The following CARMIL1 variants were observed in gnomAD, a reference collection of about 807,000 sequenced individuals.
CARMIL1 encodes the protein F-actin-uncapping protein LRRC16A.
Under a neutral mutation model 177.1 loss-of-function variants are expected in CARMIL1, and 90 were observed. The ratio of observed to expected loss-of-function variants is 0.51; its 90% CI spans 0.43 to 0.61. The LOEUF is 0.61. Among genes scored for constraint, CARMIL1 ranks in the 20% least tolerant of loss-of-function variants. The pLI is 0.00. For missense variants in CARMIL1, 1,380 were observed against 1,667.0 expected (o/e 0.83, Z 3.00); for synonymous variants, 577 against 606.2 (o/e 0.95, Z 0.71).
At chr6:25,468,117 A>C (rs1800780371) in intron 9 of CARMIL1, among the ~76,000 whole-genome samples, 1 of 152,164 alleles carries the variant, frequency 6.6e-6, no homozygotes, top group Non-Finnish European at 1.5e-5. Flanking sequence ...TCCTGTGCTA[A>C]GGTGCCACAG....
intron 34 of CARMIL1, among the ~76,000 whole-genome samples, chr6:25,605,399 A>G (rs1407766442): frequency 6.6e-6 from 1 of 152,208 alleles, no homozygotes; most frequent in African/African-American, 2.4e-5. Context: ...CTAGAGAGTA[A>G]TGCGTTAACT....
At chr6:25,280,268 G>A (rs893298457) in intron 1 of CARMIL1, among the ~76,000 whole-genome samples, 8 of 152,200 alleles carry the variant, frequency 5.3e-5, no homozygotes, top group African/African-American at 1.7e-4. Flanking sequence ...GGTGGCGAGC[G>A]CACAGTAGGT....
intron 2 of CARMIL1, among the ~76,000 whole-genome samples, chr6:25,406,127 A>T (rs1794345424): frequency 6.6e-6 from 1 of 152,212 alleles, no homozygotes; most frequent in Non-Finnish European, 1.5e-5. Flanking sequence ...ATGTAATCCC[A>T]CTGTTAATTA....
At chr6:25,505,039 G>C (rs1804776979) in intron 17 of CARMIL1, among the ~76,000 whole-genome samples, 1 of 152,134 alleles carries the variant, frequency 6.6e-6, no homozygotes, top group Non-Finnish European at 1.5e-5. Flanking sequence ...TGACATCATA[G>C]GTCAGTATTG....
intron 5 of CARMIL1, among the ~76,000 whole-genome samples, chr6:25,439,121 C>T (rs998234117): frequency 6.7e-6 from 1 of 149,154 alleles, no homozygotes; most frequent in African/African-American, 2.5e-5. Flanking sequence ...GTTTTAATAA[C>T]TTGGTGACCA....
chr6:25,582,608 C>T (rs138942327), intron 31 of CARMIL1, among the ~76,000 whole-genome samples: 5 of 152,284 alleles, frequency 3.3e-5, no homozygotes, highest in African/African-American at 9.6e-5. Context: ...ATCACCAGCT[C>T]TCCCTCTTCC....
At chr6:25,311,950 A>C (rs191526027) in intron 2 of CARMIL1, among the ~76,000 whole-genome samples, 41 of 152,314 alleles carry the variant, frequency 2.7e-4, no homozygotes, top group African/African-American at 8.9e-4. Flanking sequence ...TTTTTCTCTT[A>C]GTCAATAAAA....
rs571408597 is a variant in CARMIL1 at position 25,289,202 on chromosome 6, C to T, written c.138+4293C>T. On this transcript the variant is annotated intron_variant, in intron 2 of 36. Transcript: ENST00000329474. ...TTGTGAGTAGTTCCACTCTGGGCTA[C>T]GTTGGCTTGACATGTCATATGTTGT... 1.1e-3 allele frequency among the ~76,000 whole-genome samples: 162 copies of T among 152,200 alleles called. 1 individual carries two copies. In the Middle Eastern group the frequency reaches 0.014, roughly 13 times the overall value.
chr6:25,534,168 G>A (rs1302751912), intron 24 of CARMIL1, among the ~76,000 whole-genome samples: 2 of 144,566 alleles, frequency 1.4e-5, no homozygotes, highest in African/African-American at 5.2e-5. Flanking sequence ...TTCATTTTAT[G>A]TGTCTCCTCC....
intron 2 of CARMIL1, among the ~76,000 whole-genome samples, chr6:25,304,797 A>C (rs145513533): frequency 2.8e-4 from 42 of 152,356 alleles, no homozygotes; most frequent in African/African-American, 9.9e-4. Flanking sequence ...ATGATGTATT[A>C]GCTAGAGCTT....
chr6:25,307,662 CAG>C (rs1554158948), intron 2 of CARMIL1, among the ~76,000 whole-genome samples: 1 of 152,274 alleles, frequency 6.6e-6, no homozygotes, highest in South Asian at 2.1e-4. Context: ...AGGAAGTAAA[CAG>C]AGATGTATTT....
At chr6:25,410,359 C>G (rs74767208) in intron 2 of CARMIL1, among the ~76,000 whole-genome samples, 15,248 of 152,104 alleles carry the variant, frequency 0.1, 1,042 homozygotes, top group South Asian at 0.2. Flanking sequence ...ATTTCTTGTT[C>G]CAACTCTTCC....
chr6:25,290,256 C>T (rs929760292), intron 2 of CARMIL1, among the ~76,000 whole-genome samples: 11 of 151,928 alleles, frequency 7.2e-5, no homozygotes, highest in African/African-American at 1.5e-4. Flanking sequence ...CCACCACACC[C>T]GGCTAATTTT....
rs1810836770 is a variant in CARMIL1 at position 25,558,558 on chromosome 6, T to C, written c.2742+1708T>C. On this transcript the variant is annotated intron_variant, in intron 29 of 36. Transcript: ENST00000329474. This position sits in a 1 kb window ranked among gnomAD's most constrained non-coding sequence, Gnocchi z 4.1. ...AAAAAATGCAGTTGGAAGACCACCC[T>C]CAGAACTTAAGGGACAGGCCTGCAG... is the stretch of plus-strand genomic sequence containing the variant. 6.6e-6 allele frequency among the ~76,000 whole-genome samples: 1 copy of C among 152,212 alleles called. No homozygotes were observed. The highest frequency in any genetic ancestry group is 2.4e-5 in the African/African-American group (1 of 41,452).
chr6:25,547,578 C>G (rs1809634709), intron 26 of CARMIL1, among the ~76,000 whole-genome samples: 2 of 152,104 alleles, frequency 1.3e-5, no homozygotes, highest in Non-Finnish European at 2.9e-5. Context: ...GCCTGTAATA[C>G]TTTTTAATAT....
rs115438480 is a variant in CARMIL1 at position 25,313,191 on chromosome 6, T to A, written c.138+28282T>A. On this transcript the variant is annotated intron_variant, in intron 2 of 36. Coordinates refer to ENST00000329474, the MANE Select transcript of CARMIL1 (RefSeq NM_017640.6). Reference sequence around the variant, plus strand: ...TAGTAAACACAGTTATCTTCACGAGTGTGGGAATGATTAAGAAAAAAAAAC... The same window carrying A: ...TAGTAAACACAGTTATCTTCACGAGAGTGGGAATGATTAAGAAAAAAAAAC... Among the ~76,000 whole-genome samples the A allele has an allele frequency of 4.6e-3, 671 of 147,186 alleles. 6 individuals are homozygous for A. The highest frequency in any genetic ancestry group is 0.016 in the African/African-American group (617 of 38,344).
intron 2 of CARMIL1, among the ~76,000 whole-genome samples, chr6:25,392,164 T>C (rs186864480): frequency 2.2e-4 from 33 of 151,792 alleles, no homozygotes; most frequent in Admixed American, 2.0e-3. Context: ...CTGGTATATA[T>C]GATACACAAA....
chr6:25,365,215 C>T (rs533538714), intron 2 of CARMIL1, among the ~76,000 whole-genome samples: 3 of 152,280 alleles, frequency 2.0e-5, no homozygotes, highest in Non-Finnish European at 4.4e-5. Context: ...AGTTGCTTCA[C>T]CACCTTGATG....
chr6:25,520,314 A>G lies in CARMIL1; in HGVS notation c.1945A>G (p.Lys649Glu), dbSNP rs1443268494. Residue 649 changes from lysine to glutamate, a missense_variant, in exon 23 of 37, where the codon AAA becomes GAA. Physicochemically the swap from Lys to Glu is moderately conservative, Grantham distance 56. Coordinates refer to ENST00000329474, the MANE Select transcript of CARMIL1 (RefSeq NM_017640.6). ...ASQALKTNPE[K>E]TEDALQKIEN... is the part of the protein sequence containing the mutation. ...TCAAGCCCTAAAAACAAACCCTGAA[A>G]AAACAGAAGACGCTCTGCAAAAGGT... The G allele has an allele frequency of 6.4e-7, 1 of 1,554,958 alleles. No homozygotes were observed. The highest frequency in any genetic ancestry group is 8.7e-7 in the Non-Finnish European group (1 of 1,146,668).
Sources: gnomAD v4.1 joint callset for allele counts (sites outside exome capture counted in the v4.1 genomes callset) on GRCh38, gnomAD v4.1.1 for gene constraint, Gnocchi (gnomAD v3.1) non-coding constraint, MANE v1.5 for transcripts, NCBI Gene and HGNC (gene_info 2026-07-23, HGNC 2026-07-21) for gene names.